BABAM2: variants seen among roughly 807,000 people sequenced by gnomAD.
The protein encoded by BABAM2 is BRISC and BRCA1-A complex member 2.
Under a neutral mutation model 54.7 loss-of-function variants are expected in BABAM2, and 31 were observed. That is an observed-to-expected ratio of 0.57 (90% CI 0.43 to 0.77). The LOEUF (loss-of-function observed/expected upper bound fraction) is 0.77. Among genes scored for constraint, BABAM2 ranks in the 30% least tolerant of loss-of-function variants. BABAM2 has a pLI of 0.00. For synonymous variants in BABAM2, 167 were observed against 162.9 expected, an observed-to-expected ratio of 1.03 and a Z score of -0.19; for missense variants, 364 against 455.8, an observed-to-expected ratio of 0.80 and a Z score of 1.83.
intron 5 of BABAM2, among the ~76,000 whole-genome samples, chr2:28,043,066 T>C (rs1475612087): frequency 2.6e-5 from 4 of 151,144 alleles, no homozygotes; most frequent in African/African-American, 9.7e-5. Flanking sequence ...ATGAAAGTGA[T>C]TGAGTAAAGA....
chr2:28,200,754 G>C (rs1029843108), intron 7 of BABAM2, among the ~76,000 whole-genome samples: 88 of 59,658 alleles, frequency 1.5e-3, no homozygotes, highest in African/African-American at 4.3e-3. Flanking sequence ...GTATCTATGG[G>C]GTTTTTTGTT....
intron 7 of BABAM2, among the ~76,000 whole-genome samples, chr2:28,142,232 T>C (rs1671128123): frequency 2.0e-5 from 3 of 152,206 alleles, no homozygotes; most frequent in Admixed American, 6.5e-5. Flanking sequence ...ACGCTGTCTT[T>C]CATTAGCAAC....
Position 28,100,124 on chromosome 2 carries a change from A to AT in BABAM2, c.571-29141dup, listed in dbSNP as rs1298551152. On this transcript the variant is annotated intron_variant, in intron 6 of 11. Coordinates refer to ENST00000379624, the MANE Select transcript of BABAM2 (RefSeq NM_199191.3). ...TTTAGATAGATTTTTAATTGTTTTGATTTTTTCTTTAAGAGGCCTGAGTTT... is the reference window on the plus strand; with the variant it reads ...TTTAGATAGATTTTTAATTGTTTTGATTTTTTTCTTTAAGAGGCCTGAGTTT... Among the ~76,000 whole-genome samples, 58 of 150,732 alleles carry AT rather than the reference A, an allele frequency of 3.8e-4. 1 individual carries two copies. The highest frequency in any genetic ancestry group is 3.4e-3 in the Admixed American group (52 of 15,140).
intron 3 of BABAM2, among the ~76,000 whole-genome samples, chr2:27,944,412 T>C (rs191985947): frequency 5.7e-4 from 87 of 152,312 alleles, no homozygotes; most frequent in Non-Finnish European, 1.0e-3. Flanking sequence ...CTCTTAACCC[T>C]GAGCCTTTTC....
chr2:28,309,176 G>A (rs1688838740), intron 11 of BABAM2: 1 of 152,228 alleles, frequency 6.6e-6, no homozygotes, highest in Admixed American at 6.5e-5. Flanking sequence ...TGTGGTTGTA[G>A]GACTGAGGCC....
At chr2:27,942,998 C>T (rs866965473) in intron 3 of BABAM2, among the ~76,000 whole-genome samples, 3 of 151,798 alleles carry the variant, frequency 2.0e-5, no homozygotes, top group African/African-American at 7.3e-5. Context: ...CACTTCATTG[C>T]CCAGGTGATC....
At chr2:28,251,618 A>G (rs1294212034) in intron 10 of BABAM2, among the ~76,000 whole-genome samples, 2 of 152,202 alleles carry the variant, frequency 1.3e-5, no homozygotes, top group Non-Finnish European at 2.9e-5. Context: ...TTAGCACTCA[A>G]CAAACAAGAT....
chr2:28,074,304 T>A (rs1664451833), intron 6 of BABAM2, among the ~76,000 whole-genome samples: 1 of 152,192 alleles, frequency 6.6e-6, no homozygotes, highest in African/African-American at 2.4e-5. Context: ...TCATGTATGT[T>A]ATAGAATGTT....
intron 7 of BABAM2, among the ~76,000 whole-genome samples, chr2:28,223,248 T>A (rs1415168536): frequency 6.6e-6 from 1 of 152,204 alleles, no homozygotes; most frequent in African/African-American, 2.4e-5. Flanking sequence ...GCCTCCTCAA[T>A]TCCCTCTTCC....
At chr2:28,056,107 T>TG (rs1351372431) in intron 6 of BABAM2, among the ~76,000 whole-genome samples, 2 of 151,876 alleles carry the variant, frequency 1.3e-5, no homozygotes, top group African/African-American at 2.4e-5. Context: ...GAGTGGTGAA[T>TG]GGGGGGATGT....
intron 7 of BABAM2, among the ~76,000 whole-genome samples, chr2:28,214,366 T>A (rs934690596): frequency 5.9e-5 from 9 of 152,200 alleles, no homozygotes; most frequent in African/African-American, 2.2e-4. Flanking sequence ...ATTACATTTT[T>A]AATTTTGATT....
At chr2:28,038,718 C>A (rs376305821) in intron 5 of BABAM2, among the ~76,000 whole-genome samples, 1 of 152,096 alleles carries the variant, frequency 6.6e-6, no homozygotes, top group Non-Finnish European at 1.5e-5. Context: ...TGATTTTGTT[C>A]TTTTTTAATT....
intron 3 of BABAM2, among the ~76,000 whole-genome samples, chr2:27,987,525 G>C (rs1198098969): frequency 1.3e-5 from 2 of 152,018 alleles, no homozygotes; most frequent in Non-Finnish European, 2.9e-5. Flanking sequence ...AATTGAAAAA[G>C]GATAGCAGGC....
intron 3 of BABAM2, among the ~76,000 whole-genome samples, chr2:27,960,729 G>T (rs1670406364): frequency 6.6e-6 from 1 of 152,182 alleles, no homozygotes; most frequent in Non-Finnish European, 1.5e-5. Context: ...TAAGTGACTA[G>T]CCTGAGGTCA....
chr2:27,889,929 T>G, upstream of BABAM2: 1 of 267,682 alleles, frequency 3.7e-6, no homozygotes, highest in Non-Finnish European at 7.1e-6. Flanking sequence ...CCCTGGCTCG[T>G]TTGGGGAAAG....
At chr2:27,979,340 C>T (rs183571272) in intron 3 of BABAM2, among the ~76,000 whole-genome samples, 22 of 151,848 alleles carry the variant, frequency 1.4e-4, no homozygotes, top group Admixed American at 1.4e-3. Flanking sequence ...GGCCTATGTA[C>T]ATTTTCTTTA....
intron 7 of BABAM2, among the ~76,000 whole-genome samples, chr2:28,162,984 G>C (rs1673247917): frequency 6.6e-6 from 1 of 152,152 alleles, no homozygotes; most frequent in South Asian, 2.1e-4. Flanking sequence ...TAATCCACAA[G>C]TGTAAGAATA....
chr2:28,018,015 G>A (rs1674970010), intron 4 of BABAM2, among the ~76,000 whole-genome samples: 1 of 152,096 alleles, frequency 6.6e-6, no homozygotes. Context: ...ATTTCAGTAG[G>A]TTTTGGGAAA....
In BABAM2 at chr2:28,039,959, CAA is replaced by C. The variant is rs70953900; in HGVS notation, c.496-5755_496-5754del. On this transcript the variant is annotated intron_variant, in intron 5 of 11. Transcript: ENST00000379624. ...AGAGAAGATTTTGACCAAGGACTGA[CAA>C]AAAAAAAAAATCAAATTATTCTGTT... Among the ~76,000 whole-genome samples the C allele has an allele frequency of 3.1e-4, 46 of 149,890 alleles. 1 individual carries two copies. The highest frequency in any genetic ancestry group is 4.6e-4 in the Admixed American group (7 of 15,064).
Sources: gnomAD v4.1 joint callset for allele counts (sites outside exome capture counted in the v4.1 genomes callset) on GRCh38, gnomAD v4.1.1 for gene constraint, MANE v1.5 for transcripts, NCBI Gene and HGNC (gene_info 2026-07-23, HGNC 2026-07-21) for gene names.